Variants in DGKI observed in about 807,000 individuals in gnomAD.
DGKI encodes the protein DAG kinase iota.
A neutral mutation model predicts 147.5 loss-of-function variants in DGKI; 55 were observed. The ratio of observed to expected loss-of-function variants is 0.37; its 90% CI spans 0.30 to 0.47. The LOEUF (loss-of-function observed/expected upper bound fraction) is 0.47, where lower values mean the gene tolerates loss of function less well. DGKI is among the 20% of genes least tolerant of loss of function. The probability of loss-of-function intolerance (pLI) is 1.00; values close to 1 mark genes in which losing one functional copy is unlikely to be tolerated. For synonymous variants in DGKI, 469 were observed against 477.1 expected (o/e 0.98, Z 0.22); for missense variants, 1,007 against 1,323.8 (o/e 0.76, Z 3.71).
In DGKI at chr7:137,812,423, A is replaced by T. The variant is rs957240362; in HGVS notation, c.401+34039T>A. Among the ~76,000 whole-genome samples, 4 of 152,220 alleles carry T rather than the reference A, an allele frequency of 2.6e-5. No individual in the cohort carries two copies. In the South Asian group the frequency reaches 8.3e-4, roughly 31 times the overall value. On this transcript the variant is annotated intron_variant, in intron 1 of 32. Coordinates refer to ENST00000614521, the MANE Select transcript of DGKI (RefSeq NM_001321708.2). ...GAGGCATTTAACTGTAGCAAAGCTT[A>T]CACTCAACCTCTTAATTAGTTTTGT...
At chr7:137,611,511 G>C (rs997566551) in intron 8 of DGKI, among the ~76,000 whole-genome samples, 1 of 152,148 alleles carries the variant, frequency 6.6e-6, no homozygotes, top group African/African-American at 2.4e-5. Context: ...ACAGAGACAG[G>C]AATATACGTC....
chr7:137,397,200 C>T (rs1036329469), intron 31 of DGKI, among the ~76,000 whole-genome samples, 177 bp downstream of exon 31: 1 of 152,232 alleles, frequency 6.6e-6, no homozygotes, highest in Admixed American at 6.5e-5. Flanking sequence ...TCATCAATTT[C>T]TATTCCGTAA....
chr7:137,518,452 T>C, intron 21 of DGKI, among the ~76,000 whole-genome samples: 1 of 152,096 alleles, frequency 6.6e-6, no homozygotes, highest in Middle Eastern at 3.2e-3. Flanking sequence ...ACCCTATTTA[T>C]TGATATATTA....
chr7:137,426,741 G>T (rs948935283), intron 28 of DGKI, among the ~76,000 whole-genome samples: 2 of 151,266 alleles, frequency 1.3e-5, no homozygotes, highest in African/African-American at 2.4e-5. Context: ...AAAGGCAGGG[G>T]TTGCAATCCT....
intron 12 of DGKI, among the ~76,000 whole-genome samples, chr7:137,589,351 G>T (rs2128984785): frequency 6.6e-6 from 1 of 152,262 alleles, no homozygotes; most frequent in Middle Eastern, 3.4e-3. Context: ...CTTCTAAAAA[G>T]GCAGACCACA....
intron 1 of DGKI, among the ~76,000 whole-genome samples, chr7:137,837,036 G>A (rs1798405529): frequency 6.6e-6 from 1 of 152,196 alleles, no homozygotes; most frequent in Non-Finnish European, 1.5e-5. Flanking sequence ...AGCTGCAATA[G>A]GGAAGTAATA....
chr7:137,763,786 T>A (rs1000048350), intron 1 of DGKI, among the ~76,000 whole-genome samples: 2 of 152,236 alleles, frequency 1.3e-5, no homozygotes, highest in African/African-American at 4.8e-5. Flanking sequence ...ACCTTCCTCA[T>A]CCAGAGAGAA....
chr7:137,686,094 C>T (rs1460407747), intron 2 of DGKI, among the ~76,000 whole-genome samples: 1 of 152,148 alleles, frequency 6.6e-6, no homozygotes, highest in Non-Finnish European at 1.5e-5. Context: ...TCCTTTTAAG[C>T]AGCCTGAAAT....
At chr7:137,479,510 C>A (rs1011332679) in intron 23 of DGKI, among the ~76,000 whole-genome samples, 1 of 152,028 alleles carries the variant, frequency 6.6e-6, no homozygotes, top group Non-Finnish European at 1.5e-5. Flanking sequence ...CATGCATATG[C>A]CAAAGTTACC....
chr7:137,520,412 T>C (rs1210299523), intron 21 of DGKI, among the ~76,000 whole-genome samples: 1 of 152,096 alleles, frequency 6.6e-6, no homozygotes, highest in Non-Finnish European at 1.5e-5. Context: ...AAAATATATG[T>C]CTAACACTTT....
At chr7:137,555,517 C>T (rs529422839) in intron 19 of DGKI, among the ~76,000 whole-genome samples, 1 of 151,614 alleles carries the variant, frequency 6.6e-6, no homozygotes, top group African/African-American at 2.4e-5. Context: ...AGAGCAAGAC[C>T]CTGTATCTAA....
chr7:137,599,557 A>G (rs1284048529), intron 11 of DGKI, among the ~76,000 whole-genome samples: 1 of 152,242 alleles, frequency 6.6e-6, no homozygotes, highest in African/African-American at 2.4e-5. Context: ...AGATTTGCAG[A>G]GAATAACCTA....
At chr7:137,728,945 T>G (rs1233838940) in intron 1 of DGKI, among the ~76,000 whole-genome samples, 1 of 152,138 alleles carries the variant, frequency 6.6e-6, no homozygotes, top group African/African-American at 2.4e-5. Context: ...ATTTTGGAGT[T>G]CTTGGGTGAT....
intron 1 of DGKI, among the ~76,000 whole-genome samples, chr7:137,800,549 A>G (rs1244341872): frequency 1.3e-5 from 2 of 152,212 alleles, no homozygotes; most frequent in Non-Finnish European, 2.9e-5. Context: ...AGCAGATGCC[A>G]GGGCTATGCT....
At chr7:137,844,696 T>C (rs1471253197) in intron 1 of DGKI, among the ~76,000 whole-genome samples, 1 of 152,260 alleles carries the variant, frequency 6.6e-6, no homozygotes, top group Non-Finnish European at 1.5e-5. Context: ...TACACGTGCA[T>C]GTGTGAGCAT....
At chr7:137,722,471 T>C (rs113083870) in intron 1 of DGKI, 466,671 of 1,609,158 alleles carry the variant, frequency 0.29, 68,945 homozygotes, top group Middle Eastern at 0.41. Context: ...GGCAAGAGGG[T>C]GGTTTTCCTG....
intron 28 of DGKI, among the ~76,000 whole-genome samples, chr7:137,418,921 G>A (rs1390940097): frequency 1.3e-5 from 2 of 152,124 alleles, no homozygotes; most frequent in Admixed American, 6.5e-5. Flanking sequence ...TATTTCTTGA[G>A]GAGTAATAAT....
intron 1 of DGKI, among the ~76,000 whole-genome samples, chr7:137,734,976 A>G (rs976100510): frequency 2.6e-5 from 4 of 152,118 alleles, no homozygotes; most frequent in Non-Finnish European, 5.9e-5. Context: ...TATAATTGAA[A>G]AATCTTCTGC....
intron 23 of DGKI, among the ~76,000 whole-genome samples, chr7:137,472,452 G>T (rs577991388): frequency 1.1e-5 from 1 of 92,856 alleles, no homozygotes; most frequent in East Asian, 3.6e-4. Context: ...ATATATAAAC[G>T]TATATATTAT....
Sources: gnomAD v4.1 joint callset for allele counts (sites outside exome capture counted in the v4.1 genomes callset) on GRCh38, gnomAD v4.1.1 for gene constraint, MANE v1.5 for transcripts, NCBI Gene and HGNC (gene_info 2026-07-23, HGNC 2026-07-21) for gene names.